Variants in RASGRF2 observed in about 807,000 individuals in gnomAD.
The protein encoded by RASGRF2 is ras-specific guanine nucleotide-releasing factor 2.
Under a neutral mutation model 151.0 loss-of-function variants are expected in RASGRF2, and 76 were observed. That is an observed-to-expected ratio of 0.50 (90% CI 0.42 to 0.61). The LOEUF is 0.61. Ranked by LOEUF, RASGRF2 falls within the 20% of genes least tolerant of loss-of-function variation. The pLI is 0.00. For missense variants in RASGRF2, 1,148 were observed against 1,564.6 expected (o/e 0.73, Z 4.49); for synonymous variants, 504 against 566.5 (o/e 0.89, Z 1.57).
chr5:81,051,458 C>A (rs1751008296), intron 2 of RASGRF2, among the ~76,000 whole-genome samples: 2 of 152,116 alleles, frequency 1.3e-5, no homozygotes, highest in Admixed American at 1.3e-4. Context: ...ACAAAAGAAA[C>A]CCCATATCCG....
chr5:81,055,747 A>G (rs941146851), intron 2 of RASGRF2, among the ~76,000 whole-genome samples: 2 of 152,130 alleles, frequency 1.3e-5, no homozygotes, highest in African/African-American at 4.8e-5. Context: ...TCGGCTGTGA[A>G]TCTGTCTGGT....
chr5:80,994,164 G>A (rs1171717219), intron 1 of RASGRF2, among the ~76,000 whole-genome samples: 1 of 151,950 alleles, frequency 6.6e-6, no homozygotes, highest in Non-Finnish European at 1.5e-5. Flanking sequence ...AGGAGATCGA[G>A]ACCATCCTGG....
intron 19 of RASGRF2, 48 bp downstream of exon 19, chr5:81,201,490 C>T (rs1755393374): frequency 1.3e-6 from 2 of 1,561,654 alleles, no homozygotes; most frequent in Middle Eastern, 1.7e-4. Flanking sequence ...TTGATTCCTG[C>T]TATGTTCATA....
rs143241294 is a variant in RASGRF2, at chr5:81,090,264, C to A, written c.1391-2537C>A. Among the ~76,000 whole-genome samples the A allele has an allele frequency of 1.8e-3, 270 of 152,220 alleles. 1 individual carries two copies. The highest frequency in any genetic ancestry group is 6.3e-3 in the African/African-American group (262 of 41,532). ...ACTCAGTAGAATTAAGAATAAGGGG[C>A]ATAGTCTTGAATGCCATTCTGTGGG... is the stretch of plus-strand genomic sequence containing the variant. On this transcript the variant is annotated intron_variant, in intron 9 of 26. Coordinates refer to ENST00000265080, the MANE Select transcript of RASGRF2 (RefSeq NM_006909.3).
At chr5:81,102,521 C>T (rs1752724610) in intron 12 of RASGRF2, among the ~76,000 whole-genome samples, 1 of 151,940 alleles carries the variant, frequency 6.6e-6, no homozygotes, top group Non-Finnish European at 1.5e-5. Flanking sequence ...ATGATGACAC[C>T]CCATCTCTAC....
intron 25 of RASGRF2, among the ~76,000 whole-genome samples, chr5:81,218,032 G>A (rs142079069): frequency 5.3e-5 from 8 of 152,190 alleles, no homozygotes; most frequent in African/African-American, 1.2e-4. Flanking sequence ...GTGAGCTACC[G>A]CACCTGGCGA....
intron 18 of RASGRF2, among the ~76,000 whole-genome samples, chr5:81,197,487 A>AAG (rs397998371): frequency 3.4e-5 from 5 of 148,352 alleles, no homozygotes; most frequent in Non-Finnish European, 7.5e-5. Flanking sequence ...AAAAAAAAAA[A>AAG]GTAAAATATT....
At chr5:81,068,607 G>A (rs1046928413) in intron 3 of RASGRF2, among the ~76,000 whole-genome samples, 4 of 152,158 alleles carry the variant, frequency 2.6e-5, no homozygotes, top group Non-Finnish European at 5.9e-5. Context: ...AGATTTGAAG[G>A]AGTCCAACCT....
chr5:81,221,941 C>T (rs778144606), intron 26 of RASGRF2, among the ~76,000 whole-genome samples: 46 of 152,034 alleles, frequency 3.0e-4, no homozygotes, highest in Non-Finnish European at 6.3e-4. Context: ...TGTGCCATTG[C>T]ACTCCAGCCT....
intron 9 of RASGRF2, among the ~76,000 whole-genome samples, chr5:81,090,753 G>A (rs1752366688): frequency 6.6e-6 from 1 of 152,044 alleles, no homozygotes; most frequent in Non-Finnish European, 1.5e-5. Flanking sequence ...GCTAATATAT[G>A]AGCTAACAGC....
chr5:81,080,337 C>A, intron 6 of RASGRF2, 137 bp downstream of exon 6: 2 of 1,463,650 alleles, frequency 1.4e-6, no homozygotes, highest in Non-Finnish European at 1.8e-6. Flanking sequence ...GGGACCCTGT[C>A]TCCTTGCCTT....
chr5:81,076,408 T>C (rs1561595184), intron 5 of RASGRF2, among the ~76,000 whole-genome samples: 1 of 152,188 alleles, frequency 6.6e-6, no homozygotes, highest in Non-Finnish European at 1.5e-5. Flanking sequence ...AGGGAAGGAA[T>C]AGTACATGGA....
At chr5:81,018,625 A>G (rs1749718677) in intron 1 of RASGRF2, among the ~76,000 whole-genome samples, 1 of 152,172 alleles carries the variant, frequency 6.6e-6, no homozygotes, top group Non-Finnish European at 1.5e-5. Flanking sequence ...AATATATCCA[A>G]TGTTTAAAAT....
At chr5:81,094,406 C>A in intron 11 of RASGRF2, 44 bp downstream of exon 11, 1 of 1,553,374 alleles carries the variant, frequency 6.4e-7, no homozygotes, top group Non-Finnish European at 8.8e-7. Context: ...GAATTAGAGG[C>A]GGGAGAGAGA....
chr5:81,217,721 G>A (rs1755773597), intron 25 of RASGRF2, among the ~76,000 whole-genome samples: 1 of 149,962 alleles, frequency 6.7e-6, no homozygotes, highest in African/African-American at 2.5e-5. Context: ...TGGGATTACA[G>A]TTGTGTGCCT....
At chr5:81,221,983 G>A (rs1561267080) in intron 26 of RASGRF2, among the ~76,000 whole-genome samples, 1 of 152,112 alleles carries the variant, frequency 6.6e-6, no homozygotes, top group South Asian at 2.1e-4. Context: ...AGAGCAACAC[G>A]CTGACTCTGG....
intron 1 of RASGRF2, among the ~76,000 whole-genome samples, chr5:81,015,510 CA>C (rs1749601964): frequency 6.6e-6 from 1 of 152,082 alleles, no homozygotes; most frequent in Admixed American, 6.5e-5. Flanking sequence ...CTTTGATTAT[CA>C]GTGATTTTTT....
chr5:81,159,355 T>C (rs1754330109), intron 17 of RASGRF2, among the ~76,000 whole-genome samples: 2 of 152,248 alleles, frequency 1.3e-5, no homozygotes, highest in Non-Finnish European at 1.5e-5. Flanking sequence ...ACAGACAGTA[T>C]ATGAATGCAT....
chr5:81,055,555 T>C (rs542332143), intron 2 of RASGRF2, among the ~76,000 whole-genome samples: 1 of 152,336 alleles, frequency 6.6e-6, no homozygotes, highest in South Asian at 2.1e-4. Flanking sequence ...GATTTTTGCA[T>C]CGATGTTCAT....
Sources: allele counts gnomAD v4.1 joint callset (sites outside exome capture counted in the v4.1 genomes callset), GRCh38; gene constraint gnomAD v4.1.1; transcripts MANE v1.5; gene names NCBI Gene and HGNC (gene_info 2026-07-23, HGNC 2026-07-21).